AIMP1: variants seen among roughly 807,000 people sequenced by gnomAD.
The protein encoded by AIMP1 is aminoacyl tRNA synthase complex-interacting multifunctional protein 1.
A neutral mutation model predicts 33.1 loss-of-function variants in AIMP1; 24 were observed. That is an observed-to-expected ratio of 0.73 (90% CI 0.53 to 1.02). The LOEUF (loss-of-function observed/expected upper bound fraction) is 1.02, where lower values mean the gene tolerates loss of function less well. Ranked by LOEUF, AIMP1 falls within the 50% of genes least tolerant of loss-of-function variation. The probability of loss-of-function intolerance (pLI) is 0.00; values close to 1 mark genes in which losing one functional copy is unlikely to be tolerated. For missense variants in AIMP1, 367 were observed against 364.8 expected, an observed-to-expected ratio of 1.01 and a Z score of -0.05; for synonymous variants, 120 against 121.5, an observed-to-expected ratio of 0.99 and a Z score of 0.08.
chr4:106,331,102 A>G (rs927618425), intron 4 of AIMP1, among the ~76,000 whole-genome samples: 8 of 152,356 alleles, frequency 5.3e-5, no homozygotes, highest in South Asian at 4.1e-4. Flanking sequence ...TTACTAGTGT[A>G]TATAAGTGAG....
chr4:106,336,220 A>G lies in AIMP1; in HGVS notation c.604-649A>G, dbSNP rs562870005. On this transcript the variant is annotated intron_variant, in intron 5 of 6. Coordinates refer to ENST00000672341, the MANE Select transcript of AIMP1 (RefSeq NM_001142416.2). ...GCGAATTTTTTTATTTTTTGTAGAGACTGGGTTTTGCCATTTTGCCCATGC... is the reference window on the plus strand; with the variant it reads ...GCGAATTTTTTTATTTTTTGTAGAGGCTGGGTTTTGCCATTTTGCCCATGC... 1.3e-4 allele frequency among the ~76,000 whole-genome samples: 19 copies of G among 148,330 alleles called. No homozygotes were observed. The East Asian group carries it at 3.6e-3, about 28-fold the overall frequency.
At chr4:106,323,860 G>C (rs1262060182) in intron 1 of AIMP1, among the ~76,000 whole-genome samples, 1 of 151,962 alleles carries the variant, frequency 6.6e-6, no homozygotes. Flanking sequence ...AATACATTTT[G>C]AAAAGATATG....
chr4:106,334,001 C>T (rs1206002321), intron 5 of AIMP1, among the ~76,000 whole-genome samples: 1 of 152,054 alleles, frequency 6.6e-6, no homozygotes, highest in African/African-American at 2.4e-5. Context: ...TTTAAATGTC[C>T]TCTTTCTAGA....
In AIMP1 at chr4:106,336,860, TTCACACA is replaced by T. The variant is rs1769904045; in HGVS notation, c.604-8_604-2del. 2 of 1,613,574 alleles carry T rather than the reference TTCACACA, an allele frequency of 1.2e-6. No individual in the cohort carries two copies. ...TACATCTTTACTTACCAGTTTATATTTCACACAGATGCAAAATCGGATGGTGATTTTA... is the reference window on the plus strand; with the variant it reads ...TACATCTTTACTTACCAGTTTATATTGATGCAAAATCGGATGGTGATTTTA... On this transcript the variant is annotated splice_acceptor_variant and splice_polypyrimidine_tract_variant and intron_variant, in intron 5 of 6. Coordinates refer to ENST00000672341, the MANE Select transcript of AIMP1 (RefSeq NM_001142416.2). LOFTEE classifies it high-confidence loss of function.
intron 1 of AIMP1, among the ~76,000 whole-genome samples, chr4:106,321,984 G>A (rs1270855507): frequency 4.0e-5 from 6 of 151,412 alleles, no homozygotes; most frequent in Admixed American, 1.3e-4. Context: ...TGTCCGCTAA[G>A]GGTTAAATGG....
chr4:106,338,448 A>T (rs1769974744), intron 6 of AIMP1, among the ~76,000 whole-genome samples: 1 of 152,228 alleles, frequency 6.6e-6, no homozygotes, highest in African/African-American at 2.4e-5. Context: ...GCCATGGCTA[A>T]AAAGGGCTAA....
At chr4:106,327,084 C>A (rs189109266) in intron 2 of AIMP1, among the ~76,000 whole-genome samples, 28 of 152,264 alleles carry the variant, frequency 1.8e-4, no homozygotes, top group African/African-American at 6.7e-4. Flanking sequence ...TACACCTGGC[C>A]ACATATTGAC....
At chr4:106,338,494 C>T (rs1189896555) in intron 6 of AIMP1, among the ~76,000 whole-genome samples, 1 of 152,206 alleles carries the variant, frequency 6.6e-6, no homozygotes, top group Non-Finnish European at 1.5e-5. Flanking sequence ...AGAGTGCAAG[C>T]CCTAAGCCTT....
At chr4:106,346,129 A>G (rs966592671) in intron 6 of AIMP1, among the ~76,000 whole-genome samples, 1 of 151,872 alleles carries the variant, frequency 6.6e-6, no homozygotes, top group Non-Finnish European at 1.5e-5. Flanking sequence ...GAACTGACTG[A>G]TTCTTCATTC....
At chr4:106,342,966 G>A (rs74922413) in intron 6 of AIMP1, among the ~76,000 whole-genome samples, 30 of 150,394 alleles carry the variant, frequency 2.0e-4, no homozygotes, top group African/African-American at 6.1e-4. Context: ...GTGCAGTGGC[G>A]TTATCTTGGC....
chr4:106,339,510 A>G (rs996471891), intron 6 of AIMP1, among the ~76,000 whole-genome samples: 26 of 152,132 alleles, frequency 1.7e-4, no homozygotes, highest in Non-Finnish European at 1.5e-5. Context: ...CTCCTCTTTA[A>G]CCTTCTGCCA....
At chr4:106,333,652 A>G (rs1414537291) in intron 5 of AIMP1, among the ~76,000 whole-genome samples, 1 of 152,168 alleles carries the variant, frequency 6.6e-6, no homozygotes, top group Non-Finnish European at 1.5e-5. Flanking sequence ...CCATGGTTAC[A>G]GTTTATATAA....
At chr4:106,321,115 G>A (rs34270389) in intron 1 of AIMP1, among the ~76,000 whole-genome samples, 5 of 152,262 alleles carry the variant, frequency 3.3e-5, no homozygotes, top group Non-Finnish European at 5.9e-5. Flanking sequence ...CCTCCCAGCC[G>A]CCTGCCTTGG....
chr4:106,348,493 T>C lies in AIMP1; in HGVS notation c.*801T>C, dbSNP rs1280653329. The C allele has an allele frequency of 6.6e-6, 1 of 152,080 alleles. No individual in the cohort carries two copies. The highest frequency in any genetic ancestry group is 1.5e-5 in the Non-Finnish European group (1 of 68,014). 9.4% of individuals were successfully genotyped at this position (152,080 alleles called of 1,614,324 possible). A position where few individuals can be genotyped will look rare whatever the true frequency, so the allele number is the denominator to read the frequency against. On this transcript the variant is annotated 3_prime_UTR_variant, in exon 7 of 7. Coordinates refer to ENST00000672341, the MANE Select transcript of AIMP1 (RefSeq NM_001142416.2). ...CTAATAAAGGATAATTTATATCTTA[T>C]TACAGACTGATATTTTGCTTTTTCA...
intron 6 of AIMP1, among the ~76,000 whole-genome samples, chr4:106,346,201 A>G (rs1049251308): frequency 6.6e-6 from 1 of 152,126 alleles, no homozygotes; most frequent in Non-Finnish European, 1.5e-5. Context: ...CTTTTCTGTC[A>G]TTAAGTAGAG....
At chr4:106,342,450 G>T (rs891376604) in intron 6 of AIMP1, among the ~76,000 whole-genome samples, 1 of 152,242 alleles carries the variant, frequency 6.6e-6, no homozygotes, top group East Asian at 1.9e-4. Context: ...TTATTTTGAG[G>T]TGTGTTCCTT....
At chr4:106,325,241 A>G in intron 2 of AIMP1, 123 bp downstream of exon 2, 1 of 904,928 alleles carries the variant, frequency 1.1e-6, no homozygotes, top group Admixed American at 2.8e-5. Context: ...TTATATGTAG[A>G]AAAATATCAA....
At chr4:106,339,535 C>T (rs1416317340) in intron 6 of AIMP1, among the ~76,000 whole-genome samples, 1 of 152,228 alleles carries the variant, frequency 6.6e-6, no homozygotes, top group Non-Finnish European at 1.5e-5. Flanking sequence ...GCGGCCTCCA[C>T]TGCCATGTGG....
At chr4:106,320,417 A>C (rs774502320) in intron 1 of AIMP1, among the ~76,000 whole-genome samples, 15 of 152,126 alleles carry the variant, frequency 9.9e-5, no homozygotes, top group Non-Finnish European at 1.5e-4. Flanking sequence ...AAAATCAGGG[A>C]GTGTAAAGTT....
Sources: gnomAD v4.1 joint callset for allele counts (sites outside exome capture counted in the v4.1 genomes callset) on GRCh38, gnomAD v4.1.1 for gene constraint, MANE v1.5 for transcripts, NCBI Gene and HGNC (gene_info 2026-07-23, HGNC 2026-07-21) for gene names.